Variants in MINPP1 observed in about 807,000 individuals in gnomAD.
MINPP1 encodes the protein multiple inositol-polyphosphate phosphatase 1.
Under a neutral mutation model 46.1 loss-of-function variants are expected in MINPP1, and 28 were observed. That is an observed-to-expected ratio of 0.61 (90% confidence interval 0.45 to 0.83). The LOEUF (loss-of-function observed/expected upper bound fraction) is 0.83. MINPP1 is among the 40% of genes least tolerant of loss of function. The probability of loss-of-function intolerance (pLI) is 0.00; values close to 1 mark genes in which losing one functional copy is unlikely to be tolerated. For missense variants in MINPP1, 603 were observed against 610.0 expected (o/e 0.99, Z 0.12); for synonymous variants, 268 against 249.1 (o/e 1.08, Z -0.72).
intron 4 of MINPP1, among the ~76,000 whole-genome samples, chr10:87,522,355 T>A (rs994694338): frequency 2.6e-5 from 4 of 152,210 alleles, no homozygotes; most frequent in African/African-American, 7.2e-5. Context: ...TGAATTTTTT[T>A]AATTAAGGAT....
intron 3 of MINPP1, among the ~76,000 whole-genome samples, chr10:87,520,079 T>TGTGTGTGTGTGTGTGTGTGTGTGTG (rs1359714382): frequency 2.0e-5 from 3 of 151,550 alleles, no homozygotes; most frequent in African/African-American, 4.9e-5. Flanking sequence ...TGTGTGTGTG[T>TGTGTGTGTGTGTGTGTGTGTGTGTG]TGGTAATAAA....
intron 3 of MINPP1, among the ~76,000 whole-genome samples, chr10:87,515,605 G>A (rs1245071585): frequency 2.0e-5 from 3 of 151,964 alleles, no homozygotes; most frequent in Non-Finnish European, 4.4e-5. Flanking sequence ...TCCCTGCTTA[G>A]GACTTTCACT....
chr10:87,530,515 CTGCAGAACAGCAAATAT>C (rs200082974), intron 4 of MINPP1, among the ~76,000 whole-genome samples: 18,475 of 152,164 alleles, frequency 0.12, 1,352 homozygotes, highest in Non-Finnish European at 0.17. Flanking sequence ...CCAGCGGAGG[CTGCAGAACAGCAAATAT>C]TGCAGAATGG....
chr10:87,549,214 C>T (rs755570793), intron 4 of MINPP1, among the ~76,000 whole-genome samples: 23 of 152,306 alleles, frequency 1.5e-4, no homozygotes, highest in Non-Finnish European at 2.9e-4. Flanking sequence ...AAATTTACAA[C>T]TTAAATTTGA....
In MINPP1 at chr10:87,553,138, A is replaced by G. The variant is rs1200963898; in HGVS notation, c.*660A>G. The G allele has an allele frequency of 6.6e-6, 1 of 152,198 alleles. No individual in the cohort carries two copies. The highest frequency in any genetic ancestry group is 2.1e-4 in the South Asian group (1 of 4,822). 9.4% of individuals were successfully genotyped at this position (152,198 alleles called of 1,614,324 possible). ...TCCTTTTTACTTCTAGGAAGTCTCAAAAGACCATCTTAAATTATTATATGT... is the reference window on the plus strand; with the variant it reads ...TCCTTTTTACTTCTAGGAAGTCTCAGAAGACCATCTTAAATTATTATATGT... On this transcript the variant is annotated 3_prime_UTR_variant, in exon 5 of 5. Coordinates refer to ENST00000371996, the MANE Select transcript of MINPP1 (RefSeq NM_004897.5).
intron 4 of MINPP1, among the ~76,000 whole-genome samples, chr10:87,537,781 C>A (rs1202586829): frequency 6.6e-6 from 1 of 151,084 alleles, no homozygotes; most frequent in Non-Finnish European, 1.5e-5. Flanking sequence ...AATTTTTTTT[C>A]TTTTTTTAGA....
intron 4 of MINPP1, among the ~76,000 whole-genome samples, chr10:87,549,716 T>TG (rs1185934305): frequency 1.3e-5 from 2 of 152,224 alleles, no homozygotes; most frequent in Non-Finnish European, 2.9e-5. Flanking sequence ...GGTTAGACAG[T>TG]GGAGGTGTTG....
intron 3 of MINPP1, among the ~76,000 whole-genome samples, chr10:87,517,049 C>G (rs1190320711): frequency 6.6e-6 from 1 of 151,966 alleles, no homozygotes; most frequent in Non-Finnish European, 1.5e-5. Flanking sequence ...ACAACATACA[C>G]TGGGGCCTTT....
chr10:87,549,454 C>G lies in MINPP1; in HGVS notation c.1068-2628C>G, dbSNP rs529898607. 2.0e-5 allele frequency among the ~76,000 whole-genome samples: 3 copies of G among 152,316 alleles called. No homozygotes were observed. The East Asian group carries it at 5.8e-4, about 29-fold the overall frequency. On this transcript the variant is annotated intron_variant, in intron 4 of 4. Coordinates refer to ENST00000371996, the MANE Select transcript of MINPP1 (RefSeq NM_004897.5). ...CCACTGTCTGTCCTGTGCTCTCCAA[C>G]ACAGTAGCCACCAGCAACATGTGAT...
intron 1 of MINPP1, chr10:87,508,025 A>G: frequency 7.1e-7 from 1 of 1,406,718 alleles, no homozygotes; most frequent in Non-Finnish European, 9.2e-7. Flanking sequence ...TTTGCTTTCT[A>G]AAGTTTTCCG....
Position 87,553,237 on chromosome 10 carries a change from T to TGTTAGCTAAGCCA in MINPP1, c.*759_*760insGTTAGCTAAGCCA, listed in dbSNP as rs1851989347. On this transcript the variant is annotated 3_prime_UTR_variant, in exon 5 of 5. Transcript: ENST00000371996. ...TCCATTGCTTAGCTAACTTTTTCATTCTGTCACTTGGCTTCGATTTTTATA... is the reference window on the plus strand; with the variant it reads ...TCCATTGCTTAGCTAACTTTTTCATTGTTAGCTAAGCCACTGTCACTTGGCTTCGATTTTTATA... The TGTTAGCTAAGCCA allele has an allele frequency of 6.6e-6, 1 of 152,154 alleles. No individual in the cohort carries two copies. The highest frequency in any genetic ancestry group is 1.5e-5 in the Non-Finnish European group (1 of 68,022). 9.4% of individuals were successfully genotyped at this position (152,154 alleles called of 1,614,324 possible).
At chr10:87,530,851 A>T (rs113323292) in intron 4 of MINPP1, among the ~76,000 whole-genome samples, 6 of 152,296 alleles carry the variant, frequency 3.9e-5, no homozygotes, top group African/African-American at 1.4e-4. Context: ...TGGGCTCCAC[A>T]CAGTTCAAGC....
intron 4 of MINPP1, among the ~76,000 whole-genome samples, chr10:87,541,695 C>T (rs1851817587): frequency 6.6e-6 from 1 of 152,132 alleles, no homozygotes; most frequent in South Asian, 2.1e-4. Flanking sequence ...CCTCAGGAAG[C>T]TTACAGTCAT....
intron 4 of MINPP1, among the ~76,000 whole-genome samples, chr10:87,529,471 T>C (rs1370999679): frequency 6.6e-6 from 1 of 152,188 alleles, no homozygotes; most frequent in African/African-American, 2.4e-5. Context: ...CTTATGAAGC[T>C]TAGTTTGGCT....
intron 4 of MINPP1, among the ~76,000 whole-genome samples, chr10:87,523,130 T>C (rs1218229833): frequency 2.0e-5 from 3 of 152,314 alleles, no homozygotes; most frequent in Middle Eastern, 3.4e-3. Context: ...CTATCATCCA[T>C]GAGGGTTGGA....
chr10:87,552,293 A>G lies in MINPP1; in HGVS notation c.1279A>G (p.Thr427Ala). 2.5e-6 allele frequency: 4 copies of G among 1,613,792 alleles called. No homozygotes were observed. Among genetic ancestry groups the G allele is most frequent in the Non-Finnish European group, 3.4e-6 (4 of 1,179,822 alleles). The change falls in exon 5 of 5, where the codon ACT becomes GCT. Residue 427 changes from threonine to alanine, a missense_variant. Coordinates refer to ENST00000371996, the MANE Select transcript of MINPP1 (RefSeq NM_004897.5). The part of the protein sequence containing the change: ...FVLYHCENAK[T>A]PKEQFRVQML... ...GCTTTACCACTGTGAAAATGCTAAG[A>G]CTCCTAAAGAACAATTCCGAGTGCA...
At chr10:87,539,032 G>C (rs948876957) in intron 4 of MINPP1, among the ~76,000 whole-genome samples, 8 of 152,040 alleles carry the variant, frequency 5.3e-5, no homozygotes, top group Admixed American at 1.3e-4. Flanking sequence ...TTTGTTTTTG[G>C]TTGAAGACAT....
chr10:87,505,410 C>G lies in MINPP1; in HGVS notation c.495C>G (p.Phe165Leu), dbSNP rs200029988. The stretch of plus-strand genomic sequence containing the variant: ...TGGCGCTGCGTCTGGCCTCGCTCTT[C>G]CCGGCCCTTTTCAGCCGTGAGAACT... The part of the protein sequence containing the change: ...RQLALRLASL[F>L]PALFSRENYG... The change falls in exon 1 of 5, where the codon TTC (phenylalanine) becomes TTG (leucine). Residue 165 changes from phenylalanine to leucine, a missense_variant. Phe to Leu is a conservative substitution (Grantham distance 22). Around this residue, in one of 3 missense-constraint regions of MINPP1, gnomAD observed 344 missense variants for 381.1 expected, o/e 0.90. Transcript: ENST00000371996. This position sits in a 1 kb window ranked among gnomAD's most constrained non-coding sequence, Gnocchi z 4.4. 113 of 1,613,810 alleles carry G rather than the reference C, an allele frequency of 7.0e-5. No homozygotes were observed. Among genetic ancestry groups the G allele is most frequent in the Non-Finnish European group, 9.5e-5 (112 of 1,179,940 alleles).
chr10:87,506,908 CTG>C (rs1444315806), intron 1 of MINPP1, among the ~76,000 whole-genome samples: 1 of 152,116 alleles, frequency 6.6e-6, no homozygotes, highest in Non-Finnish European at 1.5e-5. Flanking sequence ...ACTTGTTGAA[CTG>C]TGTTTTTTTT....
Sources: allele counts gnomAD v4.1 joint callset (sites outside exome capture counted in the v4.1 genomes callset), GRCh38; gene constraint gnomAD v4.1.1; regional missense constraint gnomAD v4.1.1; non-coding constraint Gnocchi (gnomAD v3.1); transcripts MANE v1.5; gene names NCBI Gene and HGNC (gene_info 2026-07-23, HGNC 2026-07-21).